Variants in DISC1 observed in about 807,000 individuals in gnomAD.
DISC1 encodes the protein DISC1 scaffold protein, also known as disrupted in schizophrenia 1 protein.
A neutral mutation model predicts 84.5 loss-of-function variants in DISC1; 57 were observed. The observed-to-expected ratio is 0.67, with a 90% confidence interval of 0.55 to 0.84. The LOEUF (loss-of-function observed/expected upper bound fraction) is 0.84. DISC1 is among the 40% of genes least tolerant of loss of function. The probability of loss-of-function intolerance (pLI) is 0.00; values close to 1 mark genes in which losing one functional copy is unlikely to be tolerated. For synonymous variants in DISC1, 411 were observed against 415.2 expected (o/e 0.99, Z 0.12); for missense variants, 1,000 against 1,057.8 (o/e 0.95, Z 0.76).
chr1:231,715,650 G>A (rs772712932), intron 3 of DISC1, among the ~76,000 whole-genome samples: 1 of 152,202 alleles, frequency 6.6e-6, no homozygotes, highest in Non-Finnish European at 1.5e-5. Flanking sequence ...ACTGATTGAT[G>A]AATTCAGTTG....
chr1:231,769,358 T>G (rs1344780390), intron 5 of DISC1, among the ~76,000 whole-genome samples: 1 of 152,104 alleles, frequency 6.6e-6, no homozygotes, highest in African/African-American at 2.4e-5. Flanking sequence ...AGCCAAAAGG[T>G]GATAACAACT....
intron 9 of DISC1, among the ~76,000 whole-genome samples, chr1:231,909,600 G>A (rs56741953): frequency 1.3e-5 from 2 of 152,200 alleles, no homozygotes; most frequent in South Asian, 2.1e-4. Flanking sequence ...TATTTTTGTC[G>A]ATGTTCATCA....
At chr1:231,924,955 CT>C (rs370177238) in intron 9 of DISC1, among the ~76,000 whole-genome samples, 61,204 of 139,164 alleles carry the variant, frequency 0.44, 13,397 homozygotes, top group East Asian at 0.74. Context: ...TGCGCCCGGC[CT>C]TTTTTTTTTT....
At chr1:231,871,405 T>C (rs2085453960) in intron 9 of DISC1, among the ~76,000 whole-genome samples, 1 of 152,156 alleles carries the variant, frequency 6.6e-6, no homozygotes, top group Non-Finnish European at 1.5e-5. Flanking sequence ...CTTACTTTAA[T>C]TAATACATTT....
chr1:232,036,039 C>T lies in DISC1; in HGVS notation c.2426-653C>T, dbSNP rs144147824. ...CCAGAAAAAGCAAGCTCTCTTTGCC[C>T]TTTGATGGACTCTATCAAGTCTTGA... is the stretch of plus-strand genomic sequence containing the variant. On this transcript the variant is annotated intron_variant, in intron 12 of 12. Coordinates refer to ENST00000439617, the MANE Select transcript of DISC1 (RefSeq NM_018662.3). 6.8e-3 allele frequency among the ~76,000 whole-genome samples: 1,036 copies of T among 152,238 alleles called. 9 individuals are homozygous for T. Among genetic ancestry groups the T allele is most frequent in the African/African-American group, 0.024 (978 of 41,540 alleles).
chr1:231,947,873 G>A (rs926917914), intron 9 of DISC1, among the ~76,000 whole-genome samples: 1 of 152,190 alleles, frequency 6.6e-6, no homozygotes, highest in African/African-American at 2.4e-5. Context: ...ATCATCACTG[G>A]TCACTAGAAA....
chr1:231,961,450 G>C (rs901551877), intron 10 of DISC1, among the ~76,000 whole-genome samples: 3 of 152,126 alleles, frequency 2.0e-5, no homozygotes, highest in African/African-American at 7.2e-5. Flanking sequence ...TGTATCGTGC[G>C]ATGCTGAGGT....
intron 2 of DISC1, among the ~76,000 whole-genome samples, chr1:231,695,968 T>G (rs1487680582): frequency 6.6e-6 from 1 of 152,190 alleles, no homozygotes; most frequent in Non-Finnish European, 1.5e-5. Flanking sequence ...TGCAGGCTTG[T>G]ATTCTGGGTG....
chr1:231,861,452 GTTTTTTTTTTTTTTT>G (rs59522401), intron 9 of DISC1, among the ~76,000 whole-genome samples: 4 of 88,968 alleles, frequency 4.5e-5, no homozygotes, highest in African/African-American at 1.5e-4. Flanking sequence ...ATTTTGACAA[GTTTTTTTTTTTTTTT>G]TTTTTTTTTT....
chr1:231,754,303 C>T (rs916811334), intron 4 of DISC1, among the ~76,000 whole-genome samples: 1 of 152,170 alleles, frequency 6.6e-6, no homozygotes, highest in African/African-American at 2.4e-5. Context: ...TTAATTGGCT[C>T]ACTATTCTGC....
chr1:232,035,412 T>C (rs1670423602), intron 12 of DISC1, among the ~76,000 whole-genome samples: 2 of 152,320 alleles, frequency 1.3e-5, no homozygotes, highest in South Asian at 4.1e-4. Context: ...ACCACTGCAC[T>C]CCAGCCTGGG....
intron 8 of DISC1, among the ~76,000 whole-genome samples, chr1:231,804,110 TATTAAAG>T (rs2079520692): frequency 6.6e-6 from 1 of 151,778 alleles, no homozygotes; most frequent in African/African-American, 2.4e-5. Flanking sequence ...AAAGGAGGAG[TATTAAAG>T]AATTTGGTGG....
At position 231,958,871 on chromosome 1, in the gene DISC1, T is replaced by TA; in HGVS notation, c.2027dup (p.Asn677GlufsTer2). 6.2e-7 allele frequency: 1 copy of TA among 1,613,786 alleles called. No individual in the cohort carries two copies. The highest frequency in any genetic ancestry group is 2.2e-5 in the East Asian group (1 of 44,860). On this transcript the variant is annotated frameshift_variant, in exon 10 of 13. Transcript: ENST00000439617. LOFTEE classifies it high-confidence loss of function. ...ATACTATGAAGTACATGGAAACACTTAAGAATAAACTGTGCAGGTAAGGAT... is the reference window on the plus strand; with the variant it reads ...ATACTATGAAGTACATGGAAACACTTAAAGAATAAACTGTGCAGGTAAGGAT...
chr1:231,716,452 T>C (rs1390992398), intron 3 of DISC1, among the ~76,000 whole-genome samples: 3 of 152,134 alleles, frequency 2.0e-5, no homozygotes, highest in African/African-American at 7.2e-5. Context: ...TTATCTGCAG[T>C]CTAAATTTCA....
At chr1:231,926,202 T>C (rs2090350510) in intron 9 of DISC1, among the ~76,000 whole-genome samples, 1 of 152,208 alleles carries the variant, frequency 6.6e-6, no homozygotes, top group Non-Finnish European at 1.5e-5. Flanking sequence ...TAAAAGCTCT[T>C]CTACATATCC....
rs12143956 is a variant in DISC1, at chr1:231,690,797, C to T, written c.68-3029C>T. On this transcript the variant is annotated intron_variant, in intron 1 of 12. Coordinates refer to ENST00000439617, the MANE Select transcript of DISC1 (RefSeq NM_018662.3). The stretch of plus-strand genomic sequence containing the variant: ...TCTAGCAGATTCCAGCAGTGCCCTC[C>T]GGATCTGCCCTCTGCCCTCTGAGGG... Among the ~76,000 whole-genome samples the T allele has an allele frequency of 2.8e-3, 419 of 152,238 alleles. 4 individuals are homozygous for T. Among genetic ancestry groups the T allele is most frequent in the Non-Finnish European group, 2.4e-3 (162 of 67,998 alleles).
At chr1:231,722,198 G>C (rs1573242533) in intron 3 of DISC1, among the ~76,000 whole-genome samples, 1 of 151,140 alleles carries the variant, frequency 6.6e-6, no homozygotes, top group Non-Finnish European at 1.5e-5. Flanking sequence ...TTCAAAAATG[G>C]TATCTCAGAT....
At chr1:231,837,854 A>G (rs550892689) in intron 9 of DISC1, among the ~76,000 whole-genome samples, 2 of 152,340 alleles carry the variant, frequency 1.3e-5, no homozygotes, top group South Asian at 4.1e-4. Flanking sequence ...CTGGAAAAAA[A>G]TAGTTCCTAA....
At chr1:231,643,545 C>A (rs1361576308) in intron 1 of DISC1, among the ~76,000 whole-genome samples, 1 of 152,138 alleles carries the variant, frequency 6.6e-6, no homozygotes, top group African/African-American at 2.4e-5. Context: ...TGACTGCGGT[C>A]AGATGTGTAG....
Sources: gnomAD v4.1 joint callset for allele counts (sites outside exome capture counted in the v4.1 genomes callset) on GRCh38, gnomAD v4.1.1 for gene constraint, MANE v1.5 for transcripts, NCBI Gene and HGNC (gene_info 2026-07-23, HGNC 2026-07-21) for gene names.